The following MICU2 variants were observed in gnomAD, a reference collection of about 807,000 sequenced individuals.
MICU2 encodes calcium uptake protein 2, mitochondrial.
Under a neutral mutation model 60.4 loss-of-function variants are expected in MICU2, and 64 were observed. The observed-to-expected ratio is 1.06, with a 90% CI of 0.87 to 1.31. The LOEUF is 1.31. MICU2 is among the 50% of genes most tolerant of loss of function. MICU2 has a pLI of 0.00. For missense variants in MICU2, 569 were observed against 531.0 expected (o/e 1.07, Z -0.70); for synonymous variants, 201 against 175.0 (o/e 1.15, Z -1.17).
At chr13:21,580,747 G>A (rs539183850) in intron 1 of MICU2, among the ~76,000 whole-genome samples, 1 of 151,988 alleles carries the variant, frequency 6.6e-6, no homozygotes, top group Non-Finnish European at 1.5e-5. Context: ...ATTATTACCA[G>A]TATTAATAAT....
chr13:21,591,910 A>G (rs1203918235), intron 1 of MICU2, among the ~76,000 whole-genome samples: 1 of 152,180 alleles, frequency 6.6e-6, no homozygotes, highest in Non-Finnish European at 1.5e-5. Flanking sequence ...TCAGAAAGCT[A>G]GAAAAATCTC....
chr13:21,567,757 C>G (rs1208645813), intron 1 of MICU2, among the ~76,000 whole-genome samples: 1 of 152,124 alleles, frequency 6.6e-6, no homozygotes, highest in Non-Finnish European at 1.5e-5. Context: ...CTGTACTAAT[C>G]AAGTATTCAC....
intron 4 of MICU2, among the ~76,000 whole-genome samples, chr13:21,524,303 C>G (rs2138170087): frequency 6.6e-6 from 1 of 152,106 alleles, no homozygotes; most frequent in East Asian, 1.9e-4. Context: ...ATTATCAATT[C>G]ATGGCAGGTC....
chr13:21,567,057 T>C (rs1888002418), intron 1 of MICU2, 113 bp from the exon 2 acceptor site: 1 of 846,984 alleles, frequency 1.2e-6, no homozygotes. Flanking sequence ...CCCCAAACTT[T>C]TAAAATCATT....
chr13:21,538,576 A>AAAC lies in MICU2; in HGVS notation c.466+725_466+726insGTT, dbSNP rs1252811071. Among the ~76,000 whole-genome samples the AAAC allele has an allele frequency of 1.3e-3, 194 of 151,214 alleles. 1 individual carries two copies. Among genetic ancestry groups the AAAC allele is most frequent in the Non-Finnish European group, 2.2e-3 (152 of 67,782 alleles). On this transcript the variant is annotated intron_variant, in intron 4 of 11. Transcript: ENST00000382374. ...AGACCCTGTCTCAAAAAAAAAAAAA[A>AAAC]AAAACCCCAAACAACCCACACCAAT... is the stretch of plus-strand genomic sequence containing the variant.
At chr13:21,515,444 T>C (rs1886547825) in intron 6 of MICU2, 1 of 293,614 alleles carries the variant, frequency 3.4e-6, no homozygotes, top group Admixed American at 4.0e-5. Context: ...TATGCATTTA[T>C]AAAGCATTAA....
At chr13:21,508,820 T>C (rs1431532015) in intron 8 of MICU2, among the ~76,000 whole-genome samples, 1 of 152,198 alleles carries the variant, frequency 6.6e-6, no homozygotes, top group Non-Finnish European at 1.5e-5. Context: ...AACTTAGTAT[T>C]TCTTCTGGAA....
chr13:21,525,960 G>T (rs1886844619), intron 4 of MICU2, among the ~76,000 whole-genome samples: 1 of 147,514 alleles, frequency 6.8e-6, no homozygotes, highest in Non-Finnish European at 1.5e-5. Context: ...TTTTTAACAA[G>T]GTCTCACTCT....
chr13:21,512,672 A>C (rs2138151380), intron 7 of MICU2, among the ~76,000 whole-genome samples: 1 of 152,178 alleles, frequency 6.6e-6, no homozygotes, highest in African/African-American at 2.4e-5. Flanking sequence ...GATGGTCTCG[A>C]TCTCCTGACC....
At chr13:21,601,864 G>T (rs577847578) in intron 1 of MICU2, among the ~76,000 whole-genome samples, 1 of 152,268 alleles carries the variant, frequency 6.6e-6, no homozygotes, top group South Asian at 2.1e-4. Context: ...CCAGCACTCT[G>T]GGAGGCCAAG....
chr13:21,529,902 G>C (rs1311580504), intron 4 of MICU2, among the ~76,000 whole-genome samples: 1 of 152,188 alleles, frequency 6.6e-6, no homozygotes, highest in African/African-American at 2.4e-5. Context: ...GGATGGAGAA[G>C]GGGAAGGATC....
chr13:21,501,465 T>C (rs867173826), intron 9 of MICU2, among the ~76,000 whole-genome samples: 2 of 152,272 alleles, frequency 1.3e-5, no homozygotes, highest in South Asian at 2.1e-4. Context: ...GGTTTCACCG[T>C]GTTAACCAGG....
intron 1 of MICU2, among the ~76,000 whole-genome samples, chr13:21,589,876 C>T (rs771531970): frequency 2.2e-5 from 3 of 133,966 alleles, no homozygotes; most frequent in African/African-American, 7.6e-5. Flanking sequence ...GCAAGGGTCA[C>T]GTGCGTCAGG....
intron 2 of MICU2, among the ~76,000 whole-genome samples, chr13:21,557,160 T>C (rs1887728211): frequency 6.6e-6 from 1 of 152,052 alleles, no homozygotes; most frequent in South Asian, 2.1e-4. Flanking sequence ...TATTAGAAAG[T>C]AGGCAGGGTG....
chr13:21,598,600 C>T (rs541514474), intron 1 of MICU2, among the ~76,000 whole-genome samples: 1 of 152,178 alleles, frequency 6.6e-6, no homozygotes, highest in East Asian at 1.9e-4. Context: ...CCTGTAGTCC[C>T]AGCTACTTGG....
rs1887261797 is a variant in MICU2 at position 21,540,768 on chromosome 13, A to C, written c.359-1080T>G. 2.0e-5 allele frequency among the ~76,000 whole-genome samples: 3 copies of C among 152,250 alleles called. No homozygotes were observed. The East Asian group carries it at 5.8e-4, about 29-fold the overall frequency. On this transcript the variant is annotated intron_variant, in intron 2 of 11. Coordinates refer to ENST00000382374, the MANE Select transcript of MICU2 (RefSeq NM_152726.3). ...GCCAGCCAAAGACAAAGAGCCCCAGATTCTACTGTTAGGTGTTGTTATAGT... is the reference window on the plus strand; with the variant it reads ...GCCAGCCAAAGACAAAGAGCCCCAGCTTCTACTGTTAGGTGTTGTTATAGT...
chr13:21,564,771 G>A (rs1887935068), intron 2 of MICU2, among the ~76,000 whole-genome samples: 1 of 152,160 alleles, frequency 6.6e-6, no homozygotes, highest in Admixed American at 6.5e-5. Context: ...TCCCAATGAG[G>A]AAGAGGGGAG....
At chr13:21,518,752 G>C (rs1375878366) in intron 6 of MICU2, among the ~76,000 whole-genome samples, 1 of 152,212 alleles carries the variant, frequency 6.6e-6, no homozygotes, top group Non-Finnish European at 1.5e-5. Context: ...CTGAGGTAAA[G>C]TGAAGTAGCT....
At chr13:21,584,815 T>C (rs906659710) in intron 1 of MICU2, among the ~76,000 whole-genome samples, 2 of 152,206 alleles carry the variant, frequency 1.3e-5, no homozygotes, top group African/African-American at 4.8e-5. Flanking sequence ...ATACTGCTAC[T>C]ATTAGTGGCT....
Sources: allele counts gnomAD v4.1 joint callset (sites outside exome capture counted in the v4.1 genomes callset), GRCh38; gene constraint gnomAD v4.1.1; transcripts MANE v1.5; gene names NCBI Gene and HGNC (gene_info 2026-07-23, HGNC 2026-07-21).